Variants in TMPRSS4 observed in about 807,000 individuals in gnomAD.
TMPRSS4 encodes the protein transmembrane protease serine 4.
In TMPRSS4, 45 loss-of-function variants were observed where a neutral mutation model predicts 56.4. The ratio of observed to expected loss-of-function variants is 0.80; its 90% CI spans 0.63 to 1.02. The LOEUF is 1.02. Ranked by LOEUF, TMPRSS4 falls within the 50% of genes least tolerant of loss-of-function variation. The pLI is 0.00. For synonymous variants in TMPRSS4, 205 were observed against 211.0 expected (o/e 0.97, Z 0.25); for missense variants, 546 against 556.7 (o/e 0.98, Z 0.19).
At chr11:118,096,321 A>G (rs1177498713) in intron 2 of TMPRSS4, among the ~76,000 whole-genome samples, 1 of 152,234 alleles carries the variant, frequency 6.6e-6, no homozygotes, top group African/African-American at 2.4e-5. Flanking sequence ...TTGGGGAAAC[A>G]CAAAGTGTCC....
At chr11:118,108,600 G>T in intron 6 of TMPRSS4, 1 of 496,322 alleles carries the variant, frequency 2.0e-6, no homozygotes, top group Non-Finnish European at 3.5e-6. Context: ...AGGAGCCCAG[G>T]CTGGGCTTTG....
At chr11:118,087,829 G>A (rs1565413489) in intron 1 of TMPRSS4, 1 of 152,294 alleles carries the variant, frequency 6.6e-6, no homozygotes, top group Non-Finnish European at 1.5e-5. Context: ...TGAGAAAGGT[G>A]GGAACTTATG....
intron 7 of TMPRSS4, among the ~76,000 whole-genome samples, chr11:118,111,457 C>T (rs1479518663): frequency 6.6e-6 from 1 of 151,864 alleles, no homozygotes; most frequent in African/African-American, 2.4e-5. Context: ...ATTCCCAGCA[C>T]AACGGACACA....
chr11:118,098,614 T>A (rs572460584), intron 2 of TMPRSS4, among the ~76,000 whole-genome samples: 133 of 152,142 alleles, frequency 8.7e-4, no homozygotes, highest in Admixed American at 1.4e-3. Context: ...AGGAAAAGGA[T>A]AAATGGTGGC....
chr11:118,093,433 T>G (rs1565418498), intron 1 of TMPRSS4, among the ~76,000 whole-genome samples: 1 of 152,174 alleles, frequency 6.6e-6, no homozygotes, highest in South Asian at 2.1e-4. Flanking sequence ...ACCACAGGGT[T>G]CAGAGGGCAT....
At chr11:118,116,261 T>C (rs1947541769) in intron 11 of TMPRSS4, among the ~76,000 whole-genome samples, 1 of 152,106 alleles carries the variant, frequency 6.6e-6, no homozygotes, top group Non-Finnish European at 1.5e-5. Context: ...GCCTGAACCA[T>C]TTTCATTAAA....
At chr11:118,108,376 G>GTGGCA (rs1033301367) in intron 6 of TMPRSS4, 90 of 167,932 alleles carry the variant, frequency 5.4e-4, no homozygotes, top group African/African-American at 2.0e-3. Context: ...CTGTCACACT[G>GTGGCA]TGGCAAAGTG....
At position 118,117,411 on chromosome 11, in the gene TMPRSS4, C is replaced by T. The variant is rs1947622402; in HGVS notation, c.1259C>T (p.Thr420Ile). The change falls in exon 12 of 13, where the codon ACC becomes ATC. Residue 420 changes from threonine (T) to isoleucine (I), a missense_variant. Transcript: ENST00000437212. ...GGCCCGAGCACCCCAGGAGTATACA[C>T]CAAGGTCTCAGCCTATCTCAACTGG... ...CGGPSTPGVYTKVSAYLNWIY... is the reference protein window; with the variant it reads ...CGGPSTPGVYIKVSAYLNWIY... The T allele has an allele frequency of 7.4e-6, 12 of 1,614,082 alleles. No homozygotes were observed. The highest frequency in any genetic ancestry group is 9.3e-6 in the Non-Finnish European group (11 of 1,180,010).
At chr11:118,095,038 G>T in intron 2 of TMPRSS4, 183 bp downstream of exon 2, 1 of 674,816 alleles carries the variant, frequency 1.5e-6, no homozygotes. Context: ...TCCAGAAGTA[G>T]GAGGCCTGGA....
intron 5 of TMPRSS4, 80 bp from the exon 6 acceptor site, chr11:118,107,694 G>C: frequency 1.6e-6 from 2 of 1,243,672 alleles, no homozygotes; most frequent in East Asian, 2.5e-5. Context: ...TCTTTCTCCT[G>C]AAAGTGGGGG....
At chr11:118,104,159 T>A (rs1036262678) in intron 4 of TMPRSS4, among the ~76,000 whole-genome samples, 1 of 152,198 alleles carries the variant, frequency 6.6e-6, no homozygotes, top group African/African-American at 2.4e-5. Context: ...TGAGTGACTT[T>A]CTGTGTATTT....
chr11:118,099,827 C>A (rs1195672811), intron 3 of TMPRSS4, among the ~76,000 whole-genome samples: 1 of 152,166 alleles, frequency 6.6e-6, no homozygotes, highest in Non-Finnish European at 1.5e-5. Context: ...CCCCCTTCAG[C>A]TTGGCCTTCA....
At chr11:118,104,181 A>G (rs1345310625) in intron 4 of TMPRSS4, among the ~76,000 whole-genome samples, 2 of 152,136 alleles carry the variant, frequency 1.3e-5, no homozygotes, top group Non-Finnish European at 1.5e-5. Context: ...CTCTTTCTTT[A>G]TCAGAAGTCA....
chr11:118,103,219 T>G lies in TMPRSS4; in HGVS notation c.276T>G (p.Cys92Trp), dbSNP rs1388773394. Residue 92 changes from cysteine (C) to tryptophan (W), a missense_variant, in exon 4 of 13, where the codon TGT becomes TGG. Cys to Trp is a radical substitution (Grantham distance 215). Coordinates refer to ENST00000437212, the MANE Select transcript of TMPRSS4 (RefSeq NM_019894.4). ...CCTTGGGGGAGGACGAGGAGCACTGTGTCAAGAGCTTCCCCGAAGGGCCTG... is the reference window on the plus strand; with the variant it reads ...CCTTGGGGGAGGACGAGGAGCACTGGGTCAAGAGCTTCCCCGAAGGGCCTG... ...DCPLGEDEEH[C>W]VKSFPEGPAV... 2 of 1,614,122 alleles carry G rather than the reference T, an allele frequency of 1.2e-6. No homozygotes were observed. Among genetic ancestry groups the G allele is most frequent in the African/African-American group, 1.3e-5 (1 of 75,056 alleles).
chr11:118,108,905 C>T lies in TMPRSS4; in HGVS notation c.583+9C>T. On this transcript the variant is annotated intron_variant, in intron 7 of 12. Transcript: ENST00000437212. ...CTCCCTGCACTGTCTTGGTGAGTAC[C>T]CCCAATCTCTGAGGGTTTGGGGCCT... 6.2e-7 allele frequency: 1 copy of T among 1,613,604 alleles called. No homozygotes were observed. The highest frequency in any genetic ancestry group is 8.5e-7 in the Non-Finnish European group (1 of 1,179,760).
rs1018038631 is a variant in TMPRSS4, at chr11:118,118,235, G to T, written c.*322G>T. 7.7e-5 allele frequency: 97 copies of T among 1,267,220 alleles called. No homozygotes were observed. Among genetic ancestry groups the T allele is most frequent in the Non-Finnish European group, 8.7e-5 (87 of 1,003,926 alleles). 78.5% of individuals were successfully genotyped at this position (1,267,220 alleles called of 1,614,324 possible). A position where few individuals can be genotyped will look rare whatever the true frequency, so the allele number is the denominator to read the frequency against. On this transcript the variant is annotated 3_prime_UTR_variant, in exon 13 of 13. Coordinates refer to ENST00000437212, the MANE Select transcript of TMPRSS4 (RefSeq NM_019894.4). ...TTCCCACACTACTGAATGGAAGCAG[G>T]CTGTCTTGTAAAAGCCCAGATCACT...
chr11:118,091,569 G>C (rs973349570), intron 1 of TMPRSS4, among the ~76,000 whole-genome samples: 1 of 151,972 alleles, frequency 6.6e-6, no homozygotes, highest in Non-Finnish European at 1.5e-5. Context: ...ACCCTCGGCT[G>C]TCTTCTTTGG....
chr11:118,096,945 A>G (rs550895400), intron 2 of TMPRSS4, among the ~76,000 whole-genome samples: 4 of 97,074 alleles, frequency 4.1e-5, no homozygotes, highest in Non-Finnish European at 9.7e-5. Context: ...AGAGAAAGAA[A>G]GAAAGGAAGG....
intron 1 of TMPRSS4, among the ~76,000 whole-genome samples, chr11:118,081,021 G>T (rs994493584): frequency 6.6e-6 from 1 of 152,204 alleles, no homozygotes; most frequent in African/African-American, 2.4e-5. Context: ...TTGAGGACAG[G>T]GTCTGTGTCT....
Sources: gnomAD v4.1 joint callset for allele counts (sites outside exome capture counted in the v4.1 genomes callset) on GRCh38, gnomAD v4.1.1 for gene constraint, MANE v1.5 for transcripts, NCBI Gene and HGNC (gene_info 2026-07-23, HGNC 2026-07-21) for gene names.